The following EVC2 variants were observed in gnomAD, a reference collection of about 807,000 sequenced individuals.
EVC2 encodes the protein EvC ciliary complex subunit 2, also known as limbin.
In EVC2, 148 loss-of-function variants were observed where a neutral mutation model predicts 149.3. The observed-to-expected ratio is 0.99, with a 90% CI of 0.87 to 1.14. The LOEUF (loss-of-function observed/expected upper bound fraction) is 1.14, where lower values mean the gene tolerates loss of function less well. Among genes scored for constraint, EVC2 ranks in the 50% most tolerant of loss-of-function variants. The pLI, the probability that EVC2 is intolerant of heterozygous loss-of-function variation, is 0.00. For synonymous variants in EVC2, 776 were observed against 649.9 expected (o/e 1.19, Z -2.95); for missense variants, 1,854 against 1,627.3 (o/e 1.14, Z -2.40).
At chr4:5,691,207 G>A (rs1007181406) in intron 4 of EVC2, 58 bp downstream of exon 4, 4 of 1,479,738 alleles carry the variant, frequency 2.7e-6, no homozygotes, top group African/African-American at 2.8e-5. Flanking sequence ...CTAATAAAAT[G>A]ATCTGGGCAA....
Position 5,584,739 on chromosome 4 carries a change from T to A in EVC2, c.2941A>T (p.Thr981Ser), listed in dbSNP as rs199785101. Residue 981 changes from threonine to serine, a missense_variant, in exon 17 of 22, where the codon ACT becomes TCT. Transcript: ENST00000344408. Reference protein sequence around the residue: ...QFQKASRVTETLSAYTALLSI... With the variant: ...QFQKASRVTESLSAYTALLSI... ...AGGAGGGCGGTGTAGGCCGACAGAG[T>A]CTCGGTCACCCGGGACGCCTTCTGG... 66 of 1,613,874 alleles carry A rather than the reference T, an allele frequency of 4.1e-5. No individual in the cohort carries two copies. The African/African-American group carries it at 7.7e-4, about 19-fold the overall frequency.
intron 8 of EVC2, among the ~76,000 whole-genome samples, chr4:5,663,888 T>C (rs1472730128): frequency 6.6e-6 from 1 of 152,010 alleles, no homozygotes; most frequent in Non-Finnish European, 1.5e-5. Context: ...GCCACTGCAC[T>C]CCATCCTGGG....
At chr4:5,639,000 C>T (rs1019953665) in intron 10 of EVC2, among the ~76,000 whole-genome samples, 4 of 152,086 alleles carry the variant, frequency 2.6e-5, no homozygotes, top group Admixed American at 6.5e-5. Context: ...GAAACTAGGA[C>T]AGGAGAACCT....
chr4:5,591,744 G>C (rs922033800), intron 16 of EVC2, among the ~76,000 whole-genome samples: 11 of 152,048 alleles, frequency 7.2e-5, no homozygotes, highest in African/African-American at 2.2e-4. Context: ...CTCTAGAGAG[G>C]GTTTTAATCC....
At position 5,657,105 on chromosome 4, in the gene EVC2, C is replaced by T. The variant is rs1380277752; in HGVS notation, c.1145+6002G>A. On this transcript the variant is annotated intron_variant, in intron 9 of 21. Transcript: ENST00000344408. The surrounding 1 kb of genome is among the most constrained non-coding windows in gnomAD (Gnocchi z 4.7). Reference sequence around the variant, plus strand: ...TCCATCCAGACCACTGAGACCACTGCAGGGGAAGGCACCTCGTCCAGGCAG... The same window carrying T: ...TCCATCCAGACCACTGAGACCACTGTAGGGGAAGGCACCTCGTCCAGGCAG... 3.9e-5 allele frequency among the ~76,000 whole-genome samples: 6 copies of T among 152,164 alleles called. No homozygotes were observed. Among genetic ancestry groups the T allele is most frequent in the Non-Finnish European group, 1.5e-5 (1 of 68,028 alleles).
chr4:5,611,900 T>C (rs780031347), intron 16 of EVC2, among the ~76,000 whole-genome samples: 1 of 152,200 alleles, frequency 6.6e-6, no homozygotes, highest in Non-Finnish European at 1.5e-5. Context: ...GATTACAGAT[T>C]AGCCTTCTTC....
rs1320203881 is a variant in EVC2 at position 5,637,276 on chromosome 4, C to G, written c.1470+3238G>C. Among the ~76,000 whole-genome samples the G allele has an allele frequency of 6.6e-6, 1 of 152,206 alleles. No homozygotes were observed. Among genetic ancestry groups the G allele is most frequent in the Non-Finnish European group, 1.5e-5 (1 of 68,048 alleles). ...GGACGGGTTCACATGGGGCGCACAG[C>G]AGGGGGACGTAACCTCCACTGCAGG... On this transcript the variant is annotated intron_variant, in intron 10 of 21. Coordinates refer to ENST00000344408, the MANE Select transcript of EVC2 (RefSeq NM_147127.5). The surrounding 1 kb of genome is among the most constrained non-coding windows in gnomAD (Gnocchi z 4.4).
At position 5,622,566 on chromosome 4, in the gene EVC2, C is replaced by T. The variant is rs764660722; in HGVS notation, c.2472G>A (p.Glu824=). 6.2e-7 allele frequency: 1 copy of T among 1,614,032 alleles called. No individual in the cohort carries two copies. The highest frequency in any genetic ancestry group is 8.5e-7 in the Non-Finnish European group (1 of 1,179,992). The change falls in exon 14 of 22, where the codon GAG becomes GAA. Residue 824 remains glutamate, a synonymous_variant. Transcript: ENST00000344408. The surrounding 1 kb of genome is among the most constrained non-coding windows in gnomAD (Gnocchi z 5.8). ...APEAVTEEQA[E]LRRWEHLIFM... ...AGATCAGGTGCTCCCAGCGTCGCAGCTCTGCCTGCTCCTCTGTCACGGCCT... is the reference window on the plus strand; with the variant it reads ...AGATCAGGTGCTCCCAGCGTCGCAGTTCTGCCTGCTCCTCTGTCACGGCCT...
intron 9 of EVC2, among the ~76,000 whole-genome samples, chr4:5,645,897 T>C (rs1489749963): frequency 6.6e-6 from 1 of 152,200 alleles, no homozygotes; most frequent in Non-Finnish European, 1.5e-5. Context: ...TAAGCATTCT[T>C]TTTGCTCCAC....
At chr4:5,550,295 C>T (rs1358360463) in intron 21 of EVC2, among the ~76,000 whole-genome samples, 2 of 152,120 alleles carry the variant, frequency 1.3e-5, no homozygotes, top group Non-Finnish European at 2.9e-5. Flanking sequence ...ATGGCTTTGA[C>T]CAAAATACTG....
chr4:5,697,776 T>G, intron 1 of EVC2, 129 bp from the exon 2 acceptor site: 3 of 792,892 alleles, frequency 3.8e-6, no homozygotes, highest in Non-Finnish European at 6.3e-6. Flanking sequence ...GACAGAGTCT[T>G]GCTCTGTCAC....
At position 5,636,843 on chromosome 4, in the gene EVC2, T is replaced by C. The variant is rs1334343747; in HGVS notation, c.1470+3671A>G. 6.6e-6 allele frequency among the ~76,000 whole-genome samples: 1 copy of C among 152,196 alleles called. No individual in the cohort carries two copies. The highest frequency in any genetic ancestry group is 1.5e-5 in the Non-Finnish European group (1 of 68,040). On this transcript the variant is annotated intron_variant, in intron 10 of 21. Transcript: ENST00000344408. This position sits in a 1 kb window ranked among gnomAD's most constrained non-coding sequence, Gnocchi z 4.6. Reference sequence around the variant, plus strand: ...TTTATTTAAAGATGACTATAACACATGATGGATAATTATAAAGCAGTCTGT... The same window carrying C: ...TTTATTTAAAGATGACTATAACACACGATGGATAATTATAAAGCAGTCTGT...
At chr4:5,531,881 C>G in the EVC2 span, among the ~76,000 whole-genome samples, 1 of 152,130 alleles carries the variant, frequency 6.6e-6, no homozygotes. Flanking sequence ...GAAAAATTGT[C>G]TTTCATGCAA....
intron 16 of EVC2, among the ~76,000 whole-genome samples, chr4:5,610,467 G>A (rs1714726796): frequency 6.6e-6 from 1 of 152,186 alleles, no homozygotes; most frequent in Non-Finnish European, 1.5e-5. Context: ...GCAACAACTG[G>A]CCAGTTCTTC....
rs74424735 is a variant in EVC2, at chr4:5,687,342, G to A, written c.706+1815C>T. ...GAGCCCGGGAGCACTTTCCACAGCCGGGCTGCGTCATACTGCTTTAACTCC... is the reference window on the plus strand; with the variant it reads ...GAGCCCGGGAGCACTTTCCACAGCCAGGCTGCGTCATACTGCTTTAACTCC... On this transcript the variant is annotated intron_variant, in intron 5 of 21. Coordinates refer to ENST00000344408, the MANE Select transcript of EVC2 (RefSeq NM_147127.5). Among the ~76,000 whole-genome samples the A allele has an allele frequency of 1.8e-3, 272 of 152,252 alleles. 2 individuals are homozygous for A. Among genetic ancestry groups the A allele is most frequent in the African/African-American group, 6.0e-3 (251 of 41,554 alleles).
chr4:5,663,819 G>C (rs749419977), intron 8 of EVC2, among the ~76,000 whole-genome samples: 42 of 152,152 alleles, frequency 2.8e-4, no homozygotes, highest in Admixed American at 2.2e-3. Context: ...TACTCAGGAG[G>C]CTAAGGCAGG....
rs1026899106 is a variant in EVC2 at position 5,633,581 on chromosome 4, C to T, written c.1471-1549G>A. ...GTGACAGTGGAGCTTGTTGGTGAAG[C>T]GAAGGCAGGGAAAGGCTTACGCGTG... On this transcript the variant is annotated intron_variant, in intron 10 of 21. Coordinates refer to ENST00000344408, the MANE Select transcript of EVC2 (RefSeq NM_147127.5). The surrounding 1 kb of genome is among the most constrained non-coding windows in gnomAD (Gnocchi z 4.4). 1.8e-4 allele frequency among the ~76,000 whole-genome samples: 28 copies of T among 152,182 alleles called. No individual in the cohort carries two copies. The highest frequency in any genetic ancestry group is 6.5e-4 in the African/African-American group (27 of 41,452).
At chr4:5,706,982 A>T (rs1048346909) in intron 1 of EVC2, among the ~76,000 whole-genome samples, 6 of 152,098 alleles carry the variant, frequency 3.9e-5, no homozygotes, top group African/African-American at 1.4e-4. Context: ...CCTCAACACC[A>T]CTGTGGCTGA....
intron 16 of EVC2, among the ~76,000 whole-genome samples, chr4:5,596,483 A>G (rs1478271979): frequency 2.0e-5 from 3 of 152,194 alleles, no homozygotes; most frequent in East Asian, 3.9e-4. Context: ...GGTACATAAC[A>G]AAATGAAGGC....
Sources: allele counts gnomAD v4.1 joint callset (sites outside exome capture counted in the v4.1 genomes callset), GRCh38; gene constraint gnomAD v4.1.1; non-coding constraint Gnocchi (gnomAD v3.1); transcripts MANE v1.5; gene names NCBI Gene and HGNC (gene_info 2026-07-23, HGNC 2026-07-21).